Variants in CYGB observed in about 807,000 individuals in gnomAD.
CYGB encodes histoglobin.
In CYGB, 13 loss-of-function variants were observed where a neutral mutation model predicts 20.7. That is an observed-to-expected ratio of 0.63 (90% CI 0.41 to 1.00). The LOEUF (loss-of-function observed/expected upper bound fraction) is 1.00, where lower values mean the gene tolerates loss of function less well. CYGB is among the 50% of genes least tolerant of loss of function. The probability of loss-of-function intolerance (pLI) is 0.00; values close to 1 mark genes in which losing one functional copy is unlikely to be tolerated. For missense variants in CYGB, 218 were observed against 257.2 expected, an observed-to-expected ratio of 0.85 and a Z score of 1.04; for synonymous variants, 93 against 107.4, an observed-to-expected ratio of 0.87 and a Z score of 0.83.
At chr17:76,540,438 C>T, upstream of CYGB, 2 of 1,554,716 alleles carry the variant, frequency 1.3e-6, no homozygotes, top group South Asian at 1.1e-5. This position sits in a 1 kb window ranked among gnomAD's most constrained non-coding sequence, Gnocchi z 5.0. Context: ...GCGGCCTGGA[C>T]CTGTGGAGGG....
At position 76,531,373 on chromosome 17, in the gene CYGB, C is replaced by T; in HGVS notation, c.375+87G>A. 1 of 1,485,544 alleles carries T rather than the reference C, an allele frequency of 6.7e-7. No individual in the cohort carries two copies. The allele number at this position is 1,485,544 out of a possible 1,614,324, so 92.0% of individuals were successfully genotyped here. A position where few individuals can be genotyped will look rare whatever the true frequency, so the allele number is the denominator to read the frequency against. Reference sequence around the variant, plus strand: ...GCCACTCCGGGGATCACCTCTGTTGCTCCAGAGAGCCGTCGCAGAGCCTGC... The same window carrying T: ...GCCACTCCGGGGATCACCTCTGTTGTTCCAGAGAGCCGTCGCAGAGCCTGC... On this transcript the variant is annotated intron_variant, in intron 2 of 3. Transcript: ENST00000293230. This position sits in a 1 kb window ranked among gnomAD's most constrained non-coding sequence, Gnocchi z 7.4.
chr17:76,537,945 G>C (rs1194894961), upstream of CYGB: 3 of 151,442 alleles, frequency 2.0e-5, no homozygotes, highest in Non-Finnish European at 4.4e-5. Context: ...GCGGGGCTCG[G>C]GTAGGTGTGG....
At chr17:76,544,975 G>A (rs2075037532) in intron 1 of CYGB, 1 of 456,590 alleles carries the variant, frequency 2.2e-6, no homozygotes, top group Admixed American at 2.3e-5. Flanking sequence ...GAAAAAGAGA[G>A]GAAGGGGCTG....
Position 76,531,546 on chromosome 17 carries a change from G to A in CYGB, c.289C>T (p.His97Tyr). The change falls in exon 2 of 4, where the codon CAT (histidine) becomes TAT (tyrosine). Residue 97 changes from histidine (H) to tyrosine (Y), a missense_variant. By Grantham distance (83) the His-to-Tyr change is moderately conservative (BLOSUM62 2). Around this residue, in one of 2 missense-constraint regions of CYGB, gnomAD observed 152 missense variants for 149.9 expected, o/e 1.01. Transcript: ENST00000293230. The surrounding 1 kb of genome is among the most constrained non-coding windows in gnomAD (Gnocchi z 7.4). ...GALNTVVENL[H>Y]DPDKVSSVLA... is the part of the protein sequence containing the mutation. The stretch of plus-strand genomic sequence containing the variant: ...ACAGAGGACACCTTGTCGGGGTCAT[G>A]CAGGTTCTCCACGACAGTGTTGAGG... 1 of 1,614,154 alleles carries A rather than the reference G, an allele frequency of 6.2e-7. No homozygotes were observed. Among genetic ancestry groups the A allele is most frequent in the Non-Finnish European group, 8.5e-7 (1 of 1,179,984 alleles).
chr17:76,529,483 C>T lies in CYGB; in HGVS notation c.540-872G>A, dbSNP rs1047057324. ...GCAGGACGGGCAGCGTGCTGGGGAACTTGGGCCATGTGTTTCTGATTCACT... is the reference window on the plus strand; with the variant it reads ...GCAGGACGGGCAGCGTGCTGGGGAATTTGGGCCATGTGTTTCTGATTCACT... On this transcript the variant is annotated intron_variant, in intron 3 of 3. Transcript: ENST00000293230. 5 of 985,348 alleles carry T rather than the reference C, an allele frequency of 5.1e-6. No individual in the cohort carries two copies. The African/African-American group carries it at 7.0e-5, about 14-fold the overall frequency. The allele number at this position is 985,348 out of a possible 1,614,324, so 61.0% of individuals were successfully genotyped here.
At chr17:76,541,179 C>G (rs186946579), upstream of CYGB, among the ~76,000 whole-genome samples, 12 of 152,290 alleles carry the variant, frequency 7.9e-5, no homozygotes, top group Non-Finnish European at 1.6e-4. Context: ...CCCTGGGTGA[C>G]CAGTGTCGTT....
intron 1 of CYGB, among the ~76,000 whole-genome samples, chr17:76,548,460 G>C (rs972386125): frequency 3.3e-5 from 5 of 152,226 alleles, no homozygotes; most frequent in Non-Finnish European, 7.3e-5. Flanking sequence ...CACTCGAGGA[G>C]AGACAGACCC....
chr17:76,529,977 T>C, intron 3 of CYGB: 1 of 985,290 alleles, frequency 1.0e-6, no homozygotes, highest in Non-Finnish European at 1.2e-6. Flanking sequence ...GCAGGAGGCC[T>C]GGCGTCCCCA....
At chr17:76,542,537 G>T (rs1385213368), upstream of CYGB, 1 of 1,614,114 alleles carries the variant, frequency 6.2e-7, no homozygotes, top group African/African-American at 1.3e-5. Flanking sequence ...TGACCCCAGT[G>T]CTTTCCTCTG....
Position 76,531,527 on chromosome 17 carries a change from G to A in CYGB, c.308C>T (p.Ser103Phe), listed in dbSNP as rs887769452. 1.9e-6 allele frequency: 3 copies of A among 1,614,022 alleles called. No individual in the cohort carries two copies. The highest frequency in any genetic ancestry group is 2.2e-5 in the South Asian group (2 of 91,092). ...TTTCCCCACAAGGGCGAGCACAGAG[G>A]ACACCTTGTCGGGGTCATGCAGGTT... The part of the protein sequence containing the change: ...VENLHDPDKV[S>F]SVLALVGKAH... The change falls in exon 2 of 4, where the codon TCC becomes TTC. Residue 103 changes from serine to phenylalanine, a missense_variant. Ser to Phe is a radical substitution (Grantham distance 155). This residue lies in a region of CYGB where 152 missense variants were observed against 149.9 expected (regional missense o/e 1.01). Transcript: ENST00000293230. The surrounding 1 kb of genome is among the most constrained non-coding windows in gnomAD (Gnocchi z 7.4).
In CYGB at chr17:76,529,936, C is replaced by A. The variant is rs2074814902; in HGVS notation, c.539+1043G>T. On this transcript the variant is annotated intron_variant, in intron 3 of 3. Coordinates refer to ENST00000293230, the MANE Select transcript of CYGB (RefSeq NM_134268.5). Reference sequence around the variant, plus strand: ...GAGGGGGGAGGGGAGCAGGAGCCAGCCCGGGGCCAGTGTGGTCAGCAGCAG... The same window carrying A: ...GAGGGGGGAGGGGAGCAGGAGCCAGACCGGGGCCAGTGTGGTCAGCAGCAG... 21 of 985,166 alleles carry A rather than the reference C, an allele frequency of 2.1e-5. No individual in the cohort carries two copies. The South Asian group carries it at 9.9e-4, about 46-fold the overall frequency. The allele number at this position is 985,166 out of a possible 1,614,324, so 61.0% of individuals were successfully genotyped here. A position where few individuals can be genotyped will look rare whatever the true frequency, so the allele number is the denominator to read the frequency against.
chr17:76,533,826 T>C lies in CYGB; in HGVS notation c.144-2135A>G, dbSNP rs983360657. 2.6e-5 allele frequency among the ~76,000 whole-genome samples: 4 copies of C among 152,128 alleles called. No homozygotes were observed. Among genetic ancestry groups the C allele is most frequent in the African/African-American group, 9.7e-5 (4 of 41,430 alleles). On this transcript the variant is annotated intron_variant, in intron 1 of 3. Coordinates refer to ENST00000293230, the MANE Select transcript of CYGB (RefSeq NM_134268.5). This position sits in a 1 kb window ranked among gnomAD's most constrained non-coding sequence, Gnocchi z 4.5. ...AGGAAGATCACTTGAGGCCAGGAGT[T>C]TGAGACCAGCCTGGGCAACATAGTG...
At chr17:76,540,263 G>GGGGGGGGGGGGGGGGGGGGGC, upstream of CYGB, 1 of 610,900 alleles carries the variant, frequency 1.6e-6, no homozygotes, top group Non-Finnish European at 2.9e-6. This position sits in a 1 kb window ranked among gnomAD's most constrained non-coding sequence, Gnocchi z 5.0. Flanking sequence ...GGGGGGGGGG[G>GGGGGGGGGGGGGGGGGGGGGC]CATGGGGCTG....
chr17:76,540,142 A>C, upstream of CYGB: 2 of 1,601,550 alleles, frequency 1.2e-6, no homozygotes, highest in African/African-American at 1.3e-5. This position sits in a 1 kb window ranked among gnomAD's most constrained non-coding sequence, Gnocchi z 5.0. Flanking sequence ...CAGCTGCGCC[A>C]TGTGCACCAC....
Position 76,531,862 on chromosome 17 carries a change from C to G in CYGB, c.144-171G>C. 3.4e-6 allele frequency: 2 copies of G among 590,142 alleles called. No homozygotes were observed. Among genetic ancestry groups the G allele is most frequent in the South Asian group, 4.4e-5 (2 of 45,780 alleles). 36.6% of individuals were successfully genotyped at this position (590,142 alleles called of 1,614,324 possible). A position where few individuals can be genotyped will look rare whatever the true frequency, so the allele number is the denominator to read the frequency against. On this transcript the variant is annotated intron_variant, in intron 1 of 3. Transcript: ENST00000293230. The surrounding 1 kb of genome is among the most constrained non-coding windows in gnomAD (Gnocchi z 7.4). ...TCAGCATAGACCCTCCTCCCTCTGGCCAAGCCGGCTCACCCCTACCAAGTC... is the reference window on the plus strand; with the variant it reads ...TCAGCATAGACCCTCCTCCCTCTGGGCAAGCCGGCTCACCCCTACCAAGTC...
intron 1 of CYGB, chr17:76,543,257 C>T: frequency 2.8e-6 from 1 of 363,322 alleles, no homozygotes; most frequent in South Asian, 2.1e-5. Flanking sequence ...GGGCTTCCTT[C>T]CCTCTGAGTT....
At chr17:76,540,573 G>A (rs2074979644), upstream of CYGB, 1 of 1,613,354 alleles carries the variant, frequency 6.2e-7, no homozygotes, top group Non-Finnish European at 8.5e-7. The surrounding 1 kb of genome is among the most constrained non-coding windows in gnomAD (Gnocchi z 5.0). Context: ...TCCTCAGGCA[G>A]GTAAGGCAGG....
Position 76,537,671 on chromosome 17 carries a change from G to C in CYGB, c.-129C>G. ...GGGCGGGCGAGGGGTAGAGCGCGGAGGGAGGGAGCGTGTGTCTGTGCGCGC... is the reference window on the plus strand; with the variant it reads ...GGGCGGGCGAGGGGTAGAGCGCGGACGGAGGGAGCGTGTGTCTGTGCGCGC... On this transcript the variant is annotated 5_prime_UTR_variant, in exon 1 of 4. Transcript: ENST00000293230. 1 of 855,892 alleles carries C rather than the reference G, an allele frequency of 1.2e-6. No homozygotes were observed. Among genetic ancestry groups the C allele is most frequent in the Non-Finnish European group, 1.4e-6 (1 of 712,906 alleles). The allele number at this position is 855,892 out of a possible 1,614,324, so 53.0% of individuals were successfully genotyped here.
intron 1 of CYGB, chr17:76,545,268 C>G: frequency 2.2e-6 from 1 of 456,792 alleles, no homozygotes; most frequent in Non-Finnish European, 4.4e-6. Flanking sequence ...TCCTGGGACC[C>G]GGGTGCCCCT....
Sources: gnomAD v4.1 joint callset for allele counts (sites outside exome capture counted in the v4.1 genomes callset) on GRCh38, gnomAD v4.1.1 for gene constraint, gnomAD v4.1.1 regional missense constraint, Gnocchi (gnomAD v3.1) non-coding constraint, MANE v1.5 for transcripts, NCBI Gene and HGNC (gene_info 2026-07-23, HGNC 2026-07-21) for gene names.